ARHGAP15: variants seen among roughly 807,000 people sequenced by gnomAD.
ARHGAP15 encodes rho GTPase-activating protein 15.
ARHGAP15 carries 51 observed loss-of-function variants against 63.7 expected under a neutral mutation model. The ratio of observed to expected loss-of-function variants is 0.80; its 90% CI spans 0.64 to 1.01. The LOEUF (loss-of-function observed/expected upper bound fraction) is 1.01, where lower values mean the gene tolerates loss of function less well. ARHGAP15 is among the 50% of genes least tolerant of loss of function. ARHGAP15 has a pLI of 0.00. For synonymous variants in ARHGAP15, 191 were observed against 193.8 expected (o/e 0.99, Z 0.12); for missense variants, 560 against 564.6 (o/e 0.99, Z 0.08).
chr2:143,471,023 ATG>A (rs1691522889), intron 8 of ARHGAP15, among the ~76,000 whole-genome samples: 5 of 148,904 alleles, frequency 3.4e-5, no homozygotes, highest in East Asian at 2.0e-4. Context: ...AGATATGAAT[ATG>A]TGTGTATATA....
At chr2:143,582,278 C>A in intron 11 of ARHGAP15, among the ~76,000 whole-genome samples, 1 of 152,098 alleles carries the variant, frequency 6.6e-6, no homozygotes, top group Non-Finnish European at 1.5e-5. Context: ...AGAAATCATC[C>A]ACAGATGCTG....
At chr2:143,325,492 A>G (rs2105237478) in intron 6 of ARHGAP15, among the ~76,000 whole-genome samples, 1 of 152,294 alleles carries the variant, frequency 6.6e-6, no homozygotes, top group African/African-American at 2.4e-5. Context: ...TTCACAATTC[A>G]ATAAATATTC....
chr2:143,322,149 A>T (rs1347083719), intron 6 of ARHGAP15, among the ~76,000 whole-genome samples: 3 of 152,262 alleles, frequency 2.0e-5, no homozygotes, highest in African/African-American at 7.2e-5. Context: ...GAGGCCGCTC[A>T]ACCACTCCCT....
chr2:143,503,955 T>C (rs1289679329), intron 9 of ARHGAP15, among the ~76,000 whole-genome samples: 2 of 152,208 alleles, frequency 1.3e-5, no homozygotes, highest in African/African-American at 4.8e-5. Context: ...AGATGTCAAA[T>C]GCTCTAAGGG....
chr2:143,205,450 C>T (rs1030319934), intron 3 of ARHGAP15, among the ~76,000 whole-genome samples: 1 of 152,082 alleles, frequency 6.6e-6, no homozygotes. Context: ...GACACTGTCT[C>T]CTGTGTTCAT....
intron 6 of ARHGAP15, among the ~76,000 whole-genome samples, chr2:143,357,044 T>C (rs1330115242): frequency 6.6e-6 from 1 of 152,206 alleles, no homozygotes; most frequent in African/African-American, 2.4e-5. Flanking sequence ...CATTAAAGAT[T>C]TATGTTGCAC....
intron 6 of ARHGAP15, among the ~76,000 whole-genome samples, chr2:143,347,179 A>G (rs1013319163): frequency 6.6e-6 from 1 of 152,192 alleles, no homozygotes; most frequent in South Asian, 2.1e-4. Context: ...AATTATGCAC[A>G]TCTAAACACT....
intron 6 of ARHGAP15, among the ~76,000 whole-genome samples, chr2:143,368,592 T>TA (rs1381769631): frequency 2.0e-5 from 3 of 152,142 alleles, no homozygotes; most frequent in African/African-American, 7.2e-5. Context: ...CACAGCCACT[T>TA]AGAGTGGTAA....
At chr2:143,448,100 G>C (rs1690230864) in intron 8 of ARHGAP15, among the ~76,000 whole-genome samples, 1 of 152,162 alleles carries the variant, frequency 6.6e-6, no homozygotes, top group Non-Finnish European at 1.5e-5. Context: ...GAGAAACAAG[G>C]AATGACAGAG....
chr2:143,664,929 T>C (rs868003307), intron 12 of ARHGAP15, among the ~76,000 whole-genome samples: 42 of 151,024 alleles, frequency 2.8e-4, no homozygotes, highest in Middle Eastern at 3.4e-3. Flanking sequence ...TAATCAATAG[T>C]TTACCAACCA....
chr2:143,507,908 A>T (rs916768976), intron 9 of ARHGAP15, among the ~76,000 whole-genome samples: 1 of 151,928 alleles, frequency 6.6e-6, no homozygotes, highest in Non-Finnish European at 1.5e-5. Context: ...AAGCACCATC[A>T]TCTCTTCCTA....
At chr2:143,299,256 T>C (rs1349548081) in intron 6 of ARHGAP15, among the ~76,000 whole-genome samples, 2 of 152,010 alleles carry the variant, frequency 1.3e-5, no homozygotes, top group Non-Finnish European at 2.9e-5. Context: ...AAATGCTTTA[T>C]GTAAGTCTAG....
rs989669371 is a variant in ARHGAP15 at position 143,717,052 on chromosome 2, T to C, written c.1244+13528T>C. The stretch of plus-strand genomic sequence containing the variant: ...TTTAAAAACAATTTCCATGTCAACA[T>C]TTATTAATGCTTGTGTGTGTGCATG... On this transcript the variant is annotated intron_variant, in intron 13 of 13. Coordinates refer to ENST00000295095, the MANE Select transcript of ARHGAP15 (RefSeq NM_018460.4). 3.9e-5 allele frequency among the ~76,000 whole-genome samples: 6 copies of C among 152,256 alleles called. No homozygotes were observed. In the South Asian group the frequency reaches 1.2e-3, roughly 32 times the overall value.
chr2:143,673,758 G>GTGTGTGTGTATATATATATATATATA (rs1553520615), intron 12 of ARHGAP15, among the ~76,000 whole-genome samples: 2 of 22,128 alleles, frequency 9.0e-5, no homozygotes, highest in Non-Finnish European at 1.4e-4. Context: ...GTGTGTGTGT[G>GTGTGTGTGTATATATATATATATATA]TATATATATA....
intron 10 of ARHGAP15, among the ~76,000 whole-genome samples, chr2:143,536,577 T>C (rs540472450): frequency 1.4e-5 from 2 of 144,340 alleles, no homozygotes; most frequent in African/African-American, 2.6e-5. Flanking sequence ...CCTGTGTCCA[T>C]GTGTTCTCAC....
chr2:143,581,593 T>A (rs1383452306), intron 11 of ARHGAP15, among the ~76,000 whole-genome samples: 1 of 152,186 alleles, frequency 6.6e-6, no homozygotes, highest in Non-Finnish European at 1.5e-5. Context: ...CTTCGAGAGC[T>A]TGAATTCCCT....
chr2:143,638,721 C>G (rs1056832936), intron 12 of ARHGAP15, among the ~76,000 whole-genome samples: 1 of 140,870 alleles, frequency 7.1e-6, no homozygotes, highest in Non-Finnish European at 1.6e-5. Flanking sequence ...AGAGACATTC[C>G]AAATTTACAA....
At chr2:143,131,218 G>A (rs1479504333) in intron 1 of ARHGAP15, among the ~76,000 whole-genome samples, 2 of 152,108 alleles carry the variant, frequency 1.3e-5, no homozygotes, top group Non-Finnish European at 1.5e-5. Context: ...AAGATGATAG[G>A]TAAATTAAAA....
At chr2:143,751,796 G>A (rs552187181) in intron 13 of ARHGAP15, among the ~76,000 whole-genome samples, 1 of 152,232 alleles carries the variant, frequency 6.6e-6, no homozygotes, top group Admixed American at 6.5e-5. Context: ...GAACTTGGAA[G>A]CCCTATGTGG....
Sources: gnomAD v4.1 joint callset for allele counts (sites outside exome capture counted in the v4.1 genomes callset) on GRCh38, gnomAD v4.1.1 for gene constraint, MANE v1.5 for transcripts, NCBI Gene and HGNC (gene_info 2026-07-23, HGNC 2026-07-21) for gene names.